The following PTN variants were observed in gnomAD, a reference collection of about 807,000 sequenced individuals.
The protein encoded by PTN is pleiotrophin.
Under a neutral mutation model 24.1 loss-of-function variants are expected in PTN, and 18 were observed. The ratio of observed to expected loss-of-function variants is 0.75; its 90% CI spans 0.52 to 1.11. The LOEUF (loss-of-function observed/expected upper bound fraction) is 1.11, where lower values mean the gene tolerates loss of function less well. PTN is among the 50% of genes least tolerant of loss of function. The pLI is 0.00. For synonymous variants in PTN, 78 were observed against 68.6 expected (o/e 1.14, Z -0.67); for missense variants, 163 against 198.8 (o/e 0.82, Z 1.08).
At chr7:137,326,643 T>A (rs1024713447) in intron 1 of PTN, 1 of 152,152 alleles carries the variant, frequency 6.6e-6, no homozygotes, top group Non-Finnish European at 1.5e-5. Flanking sequence ...CCACCAGAAC[T>A]CACACTTTCT....
chr7:137,235,762 C>T (rs1392855503), intron 4 of PTN, among the ~76,000 whole-genome samples: 1 of 152,158 alleles, frequency 6.6e-6, no homozygotes, highest in East Asian at 1.9e-4. Flanking sequence ...TCACTGTCCA[C>T]CTTCCTCTTC....
intron 1 of PTN, among the ~76,000 whole-genome samples, chr7:137,262,651 G>T (rs322312): frequency 6.6e-6 from 1 of 152,026 alleles, no homozygotes; most frequent in African/African-American, 2.4e-5. Flanking sequence ...CCTTTTAAGG[G>T]CTAACAACCC....
intron 1 of PTN, among the ~76,000 whole-genome samples, chr7:137,267,512 C>G (rs1319831225): frequency 1.3e-5 from 2 of 152,160 alleles, no homozygotes; most frequent in African/African-American, 2.4e-5. Context: ...CCTGTCTAGG[C>G]TTCCTTCTGA....
At chr7:137,289,521 G>C (rs1809608278) in intron 1 of PTN, among the ~76,000 whole-genome samples, 1 of 152,138 alleles carries the variant, frequency 6.6e-6, no homozygotes, top group South Asian at 2.1e-4. Flanking sequence ...TATTATCTAG[G>C]TGGCCCTGAC....
At chr7:137,324,376 A>C (rs1229008194) in intron 1 of PTN, among the ~76,000 whole-genome samples, 1 of 144,964 alleles carries the variant, frequency 6.9e-6, no homozygotes, top group East Asian at 2.0e-4. Context: ...TGTGAATAGC[A>C]ACTGCACTCC....
intron 1 of PTN, among the ~76,000 whole-genome samples, chr7:137,266,736 T>C (rs1211502430): frequency 6.6e-6 from 1 of 151,876 alleles, no homozygotes; most frequent in Non-Finnish European, 1.5e-5. Context: ...GTTACTATAA[T>C]ACATGTTACA....
intron 1 of PTN, among the ~76,000 whole-genome samples, chr7:137,275,125 G>A: frequency 6.6e-6 from 1 of 152,162 alleles, no homozygotes; most frequent in Admixed American, 6.5e-5. Context: ...GAGAGGGGAG[G>A]TGAAGAAGTG....
intron 3 of PTN, among the ~76,000 whole-genome samples, chr7:137,252,014 G>A (rs1007044964): frequency 2.0e-5 from 3 of 151,766 alleles, no homozygotes; most frequent in African/African-American, 7.3e-5. Flanking sequence ...AGGTTTTTGT[G>A]GAAACATCAG....
At chr7:137,292,710 T>C (rs1204155566) in intron 1 of PTN, among the ~76,000 whole-genome samples, 4 of 152,184 alleles carry the variant, frequency 2.6e-5, no homozygotes, top group Non-Finnish European at 5.9e-5. Context: ...TAGGGAATAA[T>C]GACAAGAACA....
intron 4 of PTN, chr7:137,236,297 C>G (rs999945601): frequency 1.4e-6 from 1 of 701,520 alleles, no homozygotes; most frequent in Non-Finnish European, 2.6e-6. Flanking sequence ...AGGGCCCATT[C>G]AGGATGCACT....
rs1469378787 is a variant in PTN, at chr7:137,343,578, A to G, written c.-141T>C. The G allele has an allele frequency of 1.9e-6, 1 of 518,680 alleles. No homozygotes were observed. Among genetic ancestry groups the G allele is most frequent in the Non-Finnish European group, 3.8e-6 (1 of 259,844 alleles). 32.1% of individuals were successfully genotyped at this position (518,680 alleles called of 1,614,324 possible). On this transcript the variant is annotated 5_prime_UTR_variant, in exon 1 of 5. Coordinates refer to ENST00000348225, the MANE Select transcript of PTN (RefSeq NM_002825.7). Reference sequence around the variant, plus strand: ...GCTCTCCCCGCCTTCTGGACGGATGACTCACTGGTCTCTTTCTTCCCCTCT... The same window carrying G: ...GCTCTCCCCGCCTTCTGGACGGATGGCTCACTGGTCTCTTTCTTCCCCTCT...
intron 1 of PTN, among the ~76,000 whole-genome samples, chr7:137,281,084 A>G (rs1309295886): frequency 6.6e-6 from 1 of 152,038 alleles, no homozygotes; most frequent in Non-Finnish European, 1.5e-5. Flanking sequence ...TTTGGAGACT[A>G]TTTCTTGACT....
chr7:137,343,441 T>C lies in PTN; in HGVS notation c.-4A>G, dbSNP rs1434298134. On this transcript the variant is annotated splice_region_variant and 5_prime_UTR_variant, in exon 1 of 5. Transcript: ENST00000348225. ...AATCGTACGTTCCTCTCACTTACTTTGAGTTGGAAACGTCCTCTCTGGCGC... is the reference window on the plus strand; with the variant it reads ...AATCGTACGTTCCTCTCACTTACTTCGAGTTGGAAACGTCCTCTCTGGCGC... 1.9e-6 allele frequency: 1 copy of C among 515,234 alleles called. No individual in the cohort carries two copies. The highest frequency in any genetic ancestry group is 1.9e-5 in the African/African-American group (1 of 51,786). 31.9% of individuals were successfully genotyped at this position (515,234 alleles called of 1,614,324 possible).
At chr7:137,266,072 G>A (rs557909879) in intron 1 of PTN, among the ~76,000 whole-genome samples, 1 of 151,994 alleles carries the variant, frequency 6.6e-6, no homozygotes, top group Non-Finnish European at 1.5e-5. Flanking sequence ...AATTTTTAAT[G>A]TTTGATCATA....
intron 1 of PTN, among the ~76,000 whole-genome samples, chr7:137,267,238 GTCTC>G (rs909263476): frequency 2.0e-5 from 3 of 151,210 alleles, no homozygotes; most frequent in Non-Finnish European, 2.9e-5. Context: ...ATCTTTCTCT[GTCTC>G]TCTCTCTTTT....
intron 4 of PTN, among the ~76,000 whole-genome samples, chr7:137,250,310 T>C (rs1380601895): frequency 6.6e-6 from 1 of 152,224 alleles, no homozygotes; most frequent in Non-Finnish European, 1.5e-5. Context: ...TGATTTCTTC[T>C]GAAGGTTCTC....
chr7:137,290,696 A>G (rs560480128), intron 1 of PTN, among the ~76,000 whole-genome samples: 4 of 152,226 alleles, frequency 2.6e-5, no homozygotes, highest in Admixed American at 6.5e-5. Flanking sequence ...CTCAAAACCA[A>G]CTTCAAGAAT....
intron 1 of PTN, among the ~76,000 whole-genome samples, chr7:137,269,866 C>T (rs1288787894): frequency 2.0e-5 from 3 of 152,018 alleles, no homozygotes; most frequent in African/African-American, 7.2e-5. Flanking sequence ...CTCCTGACCT[C>T]GTGAGCCTCC....
At chr7:137,301,083 AG>A (rs1809797844) in intron 1 of PTN, among the ~76,000 whole-genome samples, 1 of 151,998 alleles carries the variant, frequency 6.6e-6, no homozygotes, top group East Asian at 1.9e-4. Context: ...TAAAGAGTAT[AG>A]TACAGTATTT....
Sources: allele counts gnomAD v4.1 joint callset (sites outside exome capture counted in the v4.1 genomes callset), GRCh38; gene constraint gnomAD v4.1.1; transcripts MANE v1.5; gene names NCBI Gene and HGNC (gene_info 2026-07-23, HGNC 2026-07-21).